TRIM59: variants seen among roughly 807,000 people sequenced by gnomAD.
TRIM59 encodes tripartite motif containing 59.
A neutral mutation model predicts 32.2 loss-of-function variants in TRIM59; 14 were observed. The observed-to-expected ratio is 0.43, with a 90% CI of 0.29 to 0.68. The LOEUF (loss-of-function observed/expected upper bound fraction) is 0.68. Ranked by LOEUF, TRIM59 falls within the 30% of genes least tolerant of loss-of-function variation. The pLI is 0.15. For synonymous variants in TRIM59, 163 were observed against 155.1 expected (o/e 1.05, Z -0.38); for missense variants, 471 against 463.3 (o/e 1.02, Z -0.15).
chr3:160,439,235 T>C (rs750214619), intron 2 of TRIM59, 49 bp from the exon 3 acceptor site: 2 of 1,413,628 alleles, frequency 1.4e-6, no homozygotes, highest in East Asian at 2.4e-5. Flanking sequence ...CACCTGTACA[T>C]ATTATTTAAC....
chr3:160,436,273 A>G lies in TRIM59; in HGVS notation c.*1699T>C. 3.0e-6 allele frequency: 3 copies of G among 990,082 alleles called. No individual in the cohort carries two copies. Among genetic ancestry groups the G allele is most frequent in the East Asian group, 1.1e-4 (1 of 8,958 alleles). The allele number at this position is 990,082 out of a possible 1,614,324, so 61.3% of individuals were successfully genotyped here. ...TAGTTTATGTGCAATCTGTAGGGCCAGGAGCATAGTCTAATCTGACCCAGA... is the reference window on the plus strand; with the variant it reads ...TAGTTTATGTGCAATCTGTAGGGCCGGGAGCATAGTCTAATCTGACCCAGA... On this transcript the variant is annotated 3_prime_UTR_variant, in exon 3 of 3. Transcript: ENST00000309784.
At position 160,435,577 on chromosome 3, in the gene TRIM59, TA is replaced by T. The variant is rs1346081210; in HGVS notation, c.*2394del. The T allele has an allele frequency of 9.5e-5, 16 of 168,296 alleles. No homozygotes were observed. Among genetic ancestry groups the T allele is most frequent in the Non-Finnish European group, 1.3e-5 (1 of 77,738 alleles). The allele number at this position is 168,296 out of a possible 1,614,324, so 10.4% of individuals were successfully genotyped here. ...ACTTAGAAATATTTCAAGATTTACATACATCAACTTTTGCAATCTTCCTGCT... is the reference window on the plus strand; with the variant it reads ...ACTTAGAAATATTTCAAGATTTACATCATCAACTTTTGCAATCTTCCTGCT... On this transcript the variant is annotated 3_prime_UTR_variant, in exon 3 of 3. Transcript: ENST00000309784.
intron 2 of TRIM59, among the ~76,000 whole-genome samples, chr3:160,444,841 C>G (rs754078661): frequency 3.3e-5 from 5 of 152,130 alleles, no homozygotes; most frequent in Non-Finnish European, 7.3e-5. Context: ...GTTTGTTACA[C>G]AGCAGGAAAT....
Position 160,436,486 on chromosome 3 carries a change from TAAGC to T in TRIM59, c.*1482_*1485del, listed in dbSNP as rs1303923580. 4 of 985,692 alleles carry T rather than the reference TAAGC, an allele frequency of 4.1e-6. No homozygotes were observed. The highest frequency in any genetic ancestry group is 6.1e-5 in the Admixed American group (1 of 16,268). The allele number at this position is 985,692 out of a possible 1,614,324, so 61.1% of individuals were successfully genotyped here. A position where few individuals can be genotyped will look rare whatever the true frequency, so the allele number is the denominator to read the frequency against. On this transcript the variant is annotated 3_prime_UTR_variant, in exon 3 of 3. Transcript: ENST00000309784. ...AGGGCTTTGATTTAATTGGCCCTCT[TAAGC>T]AAAGCTAATAAAAGATTAAGTTGTT...
intron 2 of TRIM59, among the ~76,000 whole-genome samples, chr3:160,440,541 T>G (rs1445487330): frequency 1.3e-5 from 2 of 152,160 alleles, no homozygotes; most frequent in Non-Finnish European, 2.9e-5. Flanking sequence ...GCCACAATTC[T>G]AAAGACTAGC....
intron 2 of TRIM59, among the ~76,000 whole-genome samples, chr3:160,443,333 A>AT (rs1719354034): frequency 6.6e-6 from 1 of 152,220 alleles, no homozygotes; most frequent in Non-Finnish European, 1.5e-5. Context: ...TAAAAACATC[A>AT]GTAACACTGG....
At position 160,438,356 on chromosome 3, in the gene TRIM59, T is replaced by C. The variant is rs1476325363; in HGVS notation, c.828A>G (p.Glu276=). ...ATATTTTGCTTACTCGAGGATAAAT[T>C]TCAACGGGTTGAACCTCAGGAAGTG... ...QRPLPEVQPV[E]IYPRVSKILK... is the part of the protein sequence containing the mutation. Residue 276 remains glutamate, a synonymous_variant, in exon 3 of 3, where the codon GAA becomes GAG. Transcript: ENST00000309784. 8.7e-6 allele frequency: 14 copies of C among 1,613,628 alleles called. 1 individual carries two copies. Among genetic ancestry groups the C allele is most frequent in the Non-Finnish European group, 8.5e-7 (1 of 1,179,876 alleles).
At position 160,448,724 on chromosome 3, in the gene TRIM59, A is replaced by G. The variant is rs559162929; in HGVS notation, c.-4+2T>C. 7.8e-6 allele frequency: 10 copies of G among 1,274,618 alleles called. No homozygotes were observed. The African/African-American group carries it at 1.4e-4, about 18-fold the overall frequency. 79.0% of individuals were successfully genotyped at this position (1,274,618 alleles called of 1,614,324 possible). On this transcript the variant is annotated splice_donor_variant, in intron 2 of 2. Transcript: ENST00000309784. LOFTEE classifies it low-confidence loss of function (5UTR_SPLICE). ...ATTTATTTAATCTCCCAGATTACCT[A>G]CTTTGTTGATCTCGTGGTTTGGGGG...
intron 2 of TRIM59, among the ~76,000 whole-genome samples, chr3:160,440,566 A>G (rs1471701206): frequency 6.6e-6 from 1 of 152,188 alleles, no homozygotes; most frequent in Non-Finnish European, 1.5e-5. Context: ...CCCTTGATAG[A>G]GAAAAATCAA....
intron 2 of TRIM59, among the ~76,000 whole-genome samples, chr3:160,444,017 G>A (rs1019452974): frequency 6.6e-5 from 10 of 152,086 alleles, no homozygotes; most frequent in African/African-American, 1.5e-4. Context: ...GGGAAAAAAC[G>A]TGATAGAATC....
chr3:160,440,113 T>C (rs1259386704), intron 2 of TRIM59, among the ~76,000 whole-genome samples: 1 of 152,172 alleles, frequency 6.6e-6, no homozygotes, highest in Admixed American at 6.5e-5. Flanking sequence ...CTTCTCAAAT[T>C]AGAATACAAG....
intron 2 of TRIM59, among the ~76,000 whole-genome samples, chr3:160,440,193 G>A (rs536223579): frequency 4.9e-4 from 74 of 152,292 alleles, no homozygotes; most frequent in African/African-American, 1.7e-3. Context: ...AGATTTAGAA[G>A]ACAGAAAAAT....
rs996873736 is a variant in TRIM59, at chr3:160,436,401, C to T, written c.*1571G>A. 3.0e-6 allele frequency: 3 copies of T among 985,870 alleles called. No homozygotes were observed. The highest frequency in any genetic ancestry group is 1.7e-5 in the African/African-American group (1 of 57,222). 61.1% of individuals were successfully genotyped at this position (985,870 alleles called of 1,614,324 possible). A position where few individuals can be genotyped will look rare whatever the true frequency, so the allele number is the denominator to read the frequency against. ...CAACCTGCACTTAGAGTTGCATGGA[C>T]AGTGGGCCAAAAGTCGTAACACATG... is the stretch of plus-strand genomic sequence containing the variant. On this transcript the variant is annotated 3_prime_UTR_variant, in exon 3 of 3. Coordinates refer to ENST00000309784, the MANE Select transcript of TRIM59 (RefSeq NM_173084.3).
intron 2 of TRIM59, among the ~76,000 whole-genome samples, chr3:160,439,950 G>A (rs1719158085): frequency 6.6e-6 from 1 of 152,148 alleles, no homozygotes. Context: ...ATAATGAGTA[G>A]ACAAGACTAT....
intron 1 of TRIM59, chr3:160,449,472 C>T (rs1456453072): frequency 2.5e-6 from 3 of 1,185,708 alleles, no homozygotes; most frequent in Non-Finnish European, 3.2e-6. Flanking sequence ...CTCAGCTCAC[C>T]CTCGCCACCA....
chr3:160,438,675 T>C lies in TRIM59; in HGVS notation c.509A>G (p.Gln170Arg). The C allele has an allele frequency of 6.2e-7, 1 of 1,613,450 alleles. No individual in the cohort carries two copies. The highest frequency in any genetic ancestry group is 1.1e-5 in the South Asian group (1 of 90,914). The change falls in exon 3 of 3, where the codon CAA becomes CGA. Residue 170 changes from glutamine (Q) to arginine (R), a missense_variant. Coordinates refer to ENST00000309784, the MANE Select transcript of TRIM59 (RefSeq NM_173084.3). ...GATCATTTTCTCAGAATGAGATTTT[T>C]GTTCTTTCAGCTTTTCAATAAGATG... is the stretch of plus-strand genomic sequence containing the variant. ...LTHLIEKLKE[Q>R]KSHSEKMIQG...
intron 2 of TRIM59, among the ~76,000 whole-genome samples, chr3:160,441,967 C>T (rs767240756): frequency 6.6e-5 from 10 of 152,062 alleles, no homozygotes; most frequent in Non-Finnish European, 1.2e-4. Flanking sequence ...TACAACTTTA[C>T]CCTACACCTA....
intron 2 of TRIM59, among the ~76,000 whole-genome samples, chr3:160,442,778 T>C (rs1719323889): frequency 6.6e-6 from 1 of 152,184 alleles, no homozygotes; most frequent in South Asian, 2.1e-4. Flanking sequence ...AAAATAACTT[T>C]GTAAGGTCAG....
chr3:160,441,832 A>AGT (rs913885271), intron 2 of TRIM59, among the ~76,000 whole-genome samples: 3 of 152,152 alleles, frequency 2.0e-5, no homozygotes, highest in African/African-American at 7.2e-5. Context: ...AATGAGCCAA[A>AGT]GTGTGTCACA....
Sources: gnomAD v4.1 joint callset for allele counts (sites outside exome capture counted in the v4.1 genomes callset) on GRCh38, gnomAD v4.1.1 for gene constraint, MANE v1.5 for transcripts, NCBI Gene and HGNC (gene_info 2026-07-23, HGNC 2026-07-21) for gene names.